The following PSPC1 variants were observed in gnomAD, a reference collection of about 807,000 sequenced individuals.
PSPC1 encodes the protein paraspeckle protein 1.
A neutral mutation model predicts 51.6 loss-of-function variants in PSPC1; 14 were observed. The ratio of observed to expected loss-of-function variants is 0.27; its 90% CI spans 0.18 to 0.42. The LOEUF (loss-of-function observed/expected upper bound fraction) is 0.42, where lower values mean the gene tolerates loss of function less well. Among genes scored for constraint, PSPC1 ranks in the 10% least tolerant of loss-of-function variants. The pLI, the probability that PSPC1 is intolerant of heterozygous loss-of-function variation, is 1.00. For missense variants in PSPC1, 406 were observed against 701.1 expected (o/e 0.58, Z 4.75); for synonymous variants, 193 against 231.9 (o/e 0.83, Z 1.53).
chr13:19,733,367 C>T (rs767752916), intron 5 of PSPC1, among the ~76,000 whole-genome samples: 6 of 152,106 alleles, frequency 3.9e-5, no homozygotes, highest in African/African-American at 9.7e-5. Context: ...GTGGCTCACA[C>T]CTGTAATCCC....
chr13:19,711,993 G>A (rs2137790658), intron 6 of PSPC1, among the ~76,000 whole-genome samples: 1 of 152,232 alleles, frequency 6.6e-6, no homozygotes, highest in African/African-American at 2.4e-5. Context: ...AGAAACTACT[G>A]ATAGGTTCTT....
intron 2 of PSPC1, among the ~76,000 whole-genome samples, chr13:19,765,598 A>G (rs1566045107): frequency 2.7e-5 from 4 of 150,500 alleles, no homozygotes; most frequent in Non-Finnish European, 5.9e-5. Context: ...AGTAGCTGGG[A>G]CTACAGGTGC....
chr13:19,683,603 C>A (rs1280928154), intron 6 of PSPC1, among the ~76,000 whole-genome samples: 1 of 152,032 alleles, frequency 6.6e-6, no homozygotes, highest in Non-Finnish European at 1.5e-5. Context: ...GACAGGGTAA[C>A]CCTAAATTCT....
intron 6 of PSPC1, among the ~76,000 whole-genome samples, chr13:19,691,939 A>G (rs918312159): frequency 1.3e-5 from 2 of 152,088 alleles, no homozygotes; most frequent in South Asian, 2.1e-4. Flanking sequence ...ACCTACAAAA[A>G]TATCTGGGAG....
At chr13:19,716,028 T>C (rs1320594142) in intron 6 of PSPC1, among the ~76,000 whole-genome samples, 1 of 151,780 alleles carries the variant, frequency 6.6e-6, no homozygotes, top group African/African-American at 2.4e-5. Context: ...AAATAAAAAA[T>C]AAAAAATAAA....
chr13:19,779,309 C>T (rs1488465239), intron 1 of PSPC1, among the ~76,000 whole-genome samples: 4 of 98,880 alleles, frequency 4.0e-5, no homozygotes, highest in East Asian at 7.4e-4. Flanking sequence ...CCCGGCCAGC[C>T]GCCCCATCCG....
intron 1 of PSPC1, among the ~76,000 whole-genome samples, chr13:19,778,011 A>G (rs1889354709): frequency 6.6e-6 from 1 of 152,196 alleles, no homozygotes; most frequent in Admixed American, 6.5e-5. Context: ...TGGGAGGCCA[A>G]GGCGGGCGGA....
intron 6 of PSPC1, among the ~76,000 whole-genome samples, chr13:19,685,364 A>G (rs945892450): frequency 6.6e-6 from 1 of 152,290 alleles, no homozygotes; most frequent in Admixed American, 6.5e-5. Context: ...ACTCCCAATA[A>G]TTTTGCAGTG....
At chr13:19,682,578 G>A (rs1280688816) in intron 6 of PSPC1, among the ~76,000 whole-genome samples, 1 of 149,558 alleles carries the variant, frequency 6.7e-6, no homozygotes, top group Non-Finnish European at 1.5e-5. Flanking sequence ...ACTAAAAAAA[G>A]TTATGAGGAA....
At chr13:19,676,177 T>C (rs1385424422) in intron 7 of PSPC1, among the ~76,000 whole-genome samples, 1 of 152,212 alleles carries the variant, frequency 6.6e-6, no homozygotes, top group Non-Finnish European at 1.5e-5. Flanking sequence ...TTCCCATATA[T>C]TTCCTTACCC....
intron 6 of PSPC1, among the ~76,000 whole-genome samples, chr13:19,685,913 A>G (rs1314535986): frequency 6.6e-6 from 1 of 152,212 alleles, no homozygotes; most frequent in African/African-American, 2.4e-5. Context: ...CATTGTATCC[A>G]GAGCTTTTGT....
chr13:19,727,373 G>A (rs536267867), intron 6 of PSPC1, among the ~76,000 whole-genome samples: 4 of 151,610 alleles, frequency 2.6e-5, no homozygotes, highest in African/African-American at 4.8e-5. Context: ...CAGCCTGAAC[G>A]ACAAGAGTGA....
downstream of PSPC1, among the ~76,000 whole-genome samples, chr13:19,699,736 T>C (rs1879676683): frequency 6.6e-6 from 1 of 151,974 alleles, no homozygotes; most frequent in African/African-American, 2.4e-5. Context: ...AAAAAGTCCA[T>C]GCCTAAAAAC....
chr13:19,684,080 T>C (rs552108541), intron 6 of PSPC1, among the ~76,000 whole-genome samples: 1 of 152,328 alleles, frequency 6.6e-6, no homozygotes, highest in African/African-American at 2.4e-5. Context: ...AAGGCAACTG[T>C]AGTGAGGCAA....
chr13:19,753,808 G>A (rs1886803797), intron 3 of PSPC1, among the ~76,000 whole-genome samples: 1 of 152,092 alleles, frequency 6.6e-6, no homozygotes, highest in Admixed American at 6.6e-5. Context: ...AGACAGCCAT[G>A]ATCCTAGGGA....
chr13:19,750,705 T>C lies in PSPC1; in HGVS notation c.967+566A>G, dbSNP rs376072549. Reference sequence around the variant, plus strand: ...CTGTTTGCCAAGAGAATCATGTATTTGATACTGGCACAATTTAATACCCGC... The same window carrying C: ...CTGTTTGCCAAGAGAATCATGTATTCGATACTGGCACAATTTAATACCCGC... On this transcript the variant is annotated intron_variant, in intron 4 of 8. Transcript: ENST00000338910. 1.3e-3 allele frequency among the ~76,000 whole-genome samples: 205 copies of C among 152,262 alleles called. 3 individuals are homozygous for C. Among genetic ancestry groups the C allele is most frequent in the African/African-American group, 4.6e-3 (193 of 41,568 alleles).
At chr13:19,767,534 A>G (rs780907440) in intron 2 of PSPC1, among the ~76,000 whole-genome samples, 6 of 152,170 alleles carry the variant, frequency 3.9e-5, no homozygotes, top group Non-Finnish European at 7.3e-5. Context: ...TTTTGAAAAA[A>G]TAAAATTGGA....
At chr13:19,730,115 C>G in intron 6 of PSPC1, 124 bp downstream of exon 6, 1 of 717,140 alleles carries the variant, frequency 1.4e-6, no homozygotes. Context: ...ACTAATTTAT[C>G]AAACATGATG....
chr13:19,740,754 C>G (rs1885357170), intron 5 of PSPC1, among the ~76,000 whole-genome samples: 2 of 152,142 alleles, frequency 1.3e-5, no homozygotes, highest in African/African-American at 2.4e-5. Context: ...CTTGAATTAA[C>G]CACTCTCTCA....
Sources: gnomAD v4.1 joint callset for allele counts (sites outside exome capture counted in the v4.1 genomes callset) on GRCh38, gnomAD v4.1.1 for gene constraint, MANE v1.5 for transcripts, NCBI Gene and HGNC (gene_info 2026-07-23, HGNC 2026-07-21) for gene names.